Variants in NLGN1 observed in about 807,000 individuals in gnomAD.
The protein encoded by NLGN1 is neuroligin 1, also known as neuroligin-1.
Under a neutral mutation model 65.5 loss-of-function variants are expected in NLGN1, and 12 were observed. The observed-to-expected ratio is 0.18, with a 90% confidence interval of 0.12 to 0.30. The LOEUF (loss-of-function observed/expected upper bound fraction) is 0.30, where lower values mean the gene tolerates loss of function less well. Among genes scored for constraint, NLGN1 ranks in the 10% least tolerant of loss-of-function variants. The probability of loss-of-function intolerance (pLI) is 1.00; values close to 1 mark genes in which losing one functional copy is unlikely to be tolerated. For missense variants in NLGN1, 750 were observed against 1,007.1 expected (o/e 0.74, Z 3.46); for synonymous variants, 350 against 359.5 (o/e 0.97, Z 0.30).
At chr3:173,824,855 A>G (rs547027741) in intron 4 of NLGN1, among the ~76,000 whole-genome samples, 10 of 152,116 alleles carry the variant, frequency 6.6e-5, no homozygotes, top group Non-Finnish European at 1.5e-4. Flanking sequence ...TTTTCCTCTT[A>G]TTAACCGTAT....
At chr3:173,554,745 A>G (rs757559419) in intron 2 of NLGN1, among the ~76,000 whole-genome samples, 1 of 152,200 alleles carries the variant, frequency 6.6e-6, no homozygotes, top group African/African-American at 2.4e-5. Context: ...TTTCTCTTCC[A>G]TAACCATCTA....
At chr3:174,073,405 A>G (rs1740310009) in intron 4 of NLGN1, among the ~76,000 whole-genome samples, 1 of 152,154 alleles carries the variant, frequency 6.6e-6, no homozygotes, top group Non-Finnish European at 1.5e-5. Context: ...ACTTTAGCAT[A>G]TGTAAATAGT....
intron 4 of NLGN1, among the ~76,000 whole-genome samples, chr3:173,877,460 C>T (rs1409842448): frequency 1.3e-5 from 2 of 151,624 alleles, no homozygotes; most frequent in Non-Finnish European, 2.9e-5. Flanking sequence ...ATGCAGGGTC[C>T]CAGATTAAAT....
chr3:173,433,160 C>G (rs374441549), intron 1 of NLGN1, among the ~76,000 whole-genome samples: 1 of 152,126 alleles, frequency 6.6e-6, no homozygotes, highest in African/African-American at 2.4e-5. Context: ...CTGTATTGAA[C>G]CAATCTCCCA....
At chr3:174,190,890 C>T (rs928851028) in intron 4 of NLGN1, among the ~76,000 whole-genome samples, 1 of 152,004 alleles carries the variant, frequency 6.6e-6, no homozygotes, top group East Asian at 1.9e-4. Context: ...CCCTGATTTT[C>T]AAGAAATCTG....
intron 3 of NLGN1, among the ~76,000 whole-genome samples, chr3:173,697,936 A>G (rs908392867): frequency 4.0e-5 from 6 of 151,886 alleles, no homozygotes; most frequent in African/African-American, 1.5e-4. Context: ...TAATACATTA[A>G]TTTTTTTAGA....
chr3:173,746,361 A>G (rs889583898), intron 3 of NLGN1, among the ~76,000 whole-genome samples: 1 of 152,124 alleles, frequency 6.6e-6, no homozygotes, highest in Non-Finnish European at 1.5e-5. Flanking sequence ...TTCTCAAGAT[A>G]AAGTTTAAAA....
intron 1 of NLGN1, among the ~76,000 whole-genome samples, chr3:173,409,109 G>C (rs1711953169): frequency 6.6e-6 from 1 of 152,166 alleles, no homozygotes; most frequent in South Asian, 2.1e-4. Context: ...ACAAGAGTAT[G>C]GGTGGTGCTG....
intron 3 of NLGN1, among the ~76,000 whole-genome samples, chr3:173,772,249 T>A (rs538569232): frequency 1.4e-4 from 21 of 152,308 alleles, no homozygotes; most frequent in South Asian, 8.3e-4. Context: ...GTTTTTATTA[T>A]AATGAAGTTA....
intron 2 of NLGN1, among the ~76,000 whole-genome samples, chr3:173,568,778 A>C (rs1744147912): frequency 6.6e-6 from 1 of 152,122 alleles, no homozygotes; most frequent in Non-Finnish European, 1.5e-5. Flanking sequence ...GGTTCACCCC[A>C]TTCTCCGGCC....
At chr3:173,749,242 A>T (rs1411322874) in intron 3 of NLGN1, among the ~76,000 whole-genome samples, 1 of 152,074 alleles carries the variant, frequency 6.6e-6, no homozygotes, top group African/African-American at 2.4e-5. Context: ...ACAGTTTAAA[A>T]TAACAAGATG....
intron 4 of NLGN1, among the ~76,000 whole-genome samples, chr3:174,221,603 A>ATT (rs34735507): frequency 8.9e-4 from 133 of 149,242 alleles, no homozygotes; most frequent in East Asian, 1.6e-3. Flanking sequence ...ACATACATTA[A>ATT]TTTTTTTTTT....
At chr3:173,973,413 T>A (rs896381166) in intron 4 of NLGN1, among the ~76,000 whole-genome samples, 1 of 152,058 alleles carries the variant, frequency 6.6e-6, no homozygotes, top group African/African-American at 2.4e-5. Flanking sequence ...TTTTGATGAA[T>A]GAAATGGAGG....
chr3:173,419,109 A>G (rs146878886), intron 1 of NLGN1, among the ~76,000 whole-genome samples: 1 of 102,128 alleles, frequency 9.8e-6, no homozygotes, highest in Non-Finnish European at 1.9e-5. Flanking sequence ...ATCTATCTAT[A>G]TATATCGATT....
intron 4 of NLGN1, among the ~76,000 whole-genome samples, chr3:174,045,972 GT>G (rs1322412762): frequency 6.6e-6 from 1 of 152,130 alleles, no homozygotes; most frequent in Admixed American, 6.5e-5. Context: ...GAAAAGCATT[GT>G]GATTTAAAAT....
At chr3:173,605,170 T>C in intron 3 of NLGN1, 79 bp downstream of exon 2, 3 of 1,180,590 alleles carry the variant, frequency 2.5e-6, no homozygotes, top group South Asian at 1.6e-5. Context: ...TTAATTCATG[T>C]GTACTGGTAG....
chr3:174,084,453 A>T (rs1742872762), intron 4 of NLGN1, among the ~76,000 whole-genome samples: 1 of 152,170 alleles, frequency 6.6e-6, no homozygotes, highest in Non-Finnish European at 1.5e-5. Context: ...CTCTAAAAAG[A>T]CAGTGCAAAG....
intron 3 of NLGN1, among the ~76,000 whole-genome samples, chr3:173,775,119 G>A (rs1780114588): frequency 6.6e-6 from 1 of 151,928 alleles, no homozygotes; most frequent in Admixed American, 6.6e-5. Context: ...ATGCAAATTA[G>A]TACAATCAAA....
At chr3:173,673,894 T>C (rs1762786484) in intron 3 of NLGN1, among the ~76,000 whole-genome samples, 1 of 152,134 alleles carries the variant, frequency 6.6e-6, no homozygotes, top group African/African-American at 2.4e-5. Flanking sequence ...GCATAGGGGC[T>C]CAAAGGCTCC....
Sources: allele counts gnomAD v4.1 joint callset (sites outside exome capture counted in the v4.1 genomes callset), GRCh38; gene constraint gnomAD v4.1.1; transcripts MANE v1.5; gene names NCBI Gene and HGNC (gene_info 2026-07-23, HGNC 2026-07-21).